TARBP1: variants seen among roughly 807,000 people sequenced by gnomAD.
The protein encoded by TARBP1 is tRNA guanosine 2 -O-methyltransferase TARBP1.
TARBP1 carries 144 observed loss-of-function variants against 178.6 expected under a neutral mutation model. The ratio of observed to expected loss-of-function variants is 0.81; its 90% confidence interval spans 0.70 to 0.93. The LOEUF (loss-of-function observed/expected upper bound fraction) is 0.93, where lower values mean the gene tolerates loss of function less well. Among genes scored for constraint, TARBP1 ranks in the 40% least tolerant of loss-of-function variants. The pLI is 0.00. For synonymous variants in TARBP1, 787 were observed against 781.0 expected (o/e 1.01, Z -0.13); for missense variants, 2,067 against 2,011.7 (o/e 1.03, Z -0.53).
chr1:234,419,154 A>C (rs565831260), intron 21 of TARBP1, among the ~76,000 whole-genome samples: 27 of 152,080 alleles, frequency 1.8e-4, no homozygotes, highest in Non-Finnish European at 2.8e-4. Flanking sequence ...GCCTGGGTGA[A>C]AGAGCAAGAC....
intron 29 of TARBP1, among the ~76,000 whole-genome samples, chr1:234,392,036 G>A (rs1434049607): frequency 6.6e-6 from 1 of 152,232 alleles, no homozygotes; most frequent in Non-Finnish European, 1.5e-5. Flanking sequence ...AAAAGTGCAG[G>A]TATGAGCAGG....
Position 234,478,931 on chromosome 1 carries a change from G to A in TARBP1, c.173C>T (p.Pro58Leu), listed in dbSNP as rs1194067065. 1 of 1,437,272 alleles carries A rather than the reference G, an allele frequency of 7.0e-7. No individual in the cohort carries two copies. The highest frequency in any genetic ancestry group is 9.1e-7 in the Non-Finnish European group (1 of 1,104,276). 89.0% of individuals were successfully genotyped at this position (1,437,272 alleles called of 1,614,324 possible). A position where few individuals can be genotyped will look rare whatever the true frequency, so the allele number is the denominator to read the frequency against. The part of the protein sequence containing the change: ...ARGSGGAGAL[P>L]EAAREVAAGY... ...TGCAGCCACCTCGCGCGCCGCCTCC[G>A]GGAGCGCGCCTGCGCCCCCGCTGCC... Residue 58 changes from proline to leucine, a missense_variant, in exon 1 of 30, where the codon CCG becomes CTG. Physicochemically the swap from Pro to Leu is moderately conservative, Grantham distance 98. Transcript: ENST00000040877.
At position 234,478,669 on chromosome 1, in the gene TARBP1, T is replaced by G; in HGVS notation, c.435A>C (p.Ala145=). 1.6e-6 allele frequency: 2 copies of G among 1,249,912 alleles called. No individual in the cohort carries two copies. Among genetic ancestry groups the G allele is most frequent in the Non-Finnish European group, 2.0e-6 (2 of 996,574 alleles). 77.4% of individuals were successfully genotyped at this position (1,249,912 alleles called of 1,614,324 possible). ...GGGGCCGCAAACATGGCCCGACGGC[T>G]GCTAGCACTTCCACGGCAGCCTCGG... is the stretch of plus-strand genomic sequence containing the variant. ...PGAEAAVEVL[A]AVGPCLRPRE... The change falls in exon 1 of 30, where the codon GCA becomes GCC. Residue 145 remains alanine (A), a synonymous_variant. Transcript: ENST00000040877.
In TARBP1 at chr1:234,392,962, G is replaced by A. The variant is rs906022087; in HGVS notation, c.4560+400C>T. On this transcript the variant is annotated intron_variant, in intron 28 of 29. Coordinates refer to ENST00000040877, the MANE Select transcript of TARBP1 (RefSeq NM_005646.4). ...TCTCGATCTCCTGAGCTTGTGATCC[G>A]CCCGCCTCGGCCTCCCAAAGTGCTG... Among the ~76,000 whole-genome samples, 72 of 151,962 alleles carry A rather than the reference G, an allele frequency of 4.7e-4. 1 individual carries two copies. Among genetic ancestry groups the A allele is most frequent in the East Asian group, 1.5e-3 (8 of 5,174 alleles).
At chr1:234,396,895 T>C (rs935138275) in intron 26 of TARBP1, among the ~76,000 whole-genome samples, 8 of 151,704 alleles carry the variant, frequency 5.3e-5, no homozygotes, top group Non-Finnish European at 1.5e-5. Context: ...GGACTCAGAA[T>C]GAGAAGGGTC....
At chr1:234,438,306 G>C (rs577553996) in intron 12 of TARBP1, among the ~76,000 whole-genome samples, 3 of 152,130 alleles carry the variant, frequency 2.0e-5, no homozygotes, top group Non-Finnish European at 4.4e-5. Context: ...AAAAAATCTA[G>C]AGATAACACC....
intron 3 of TARBP1, among the ~76,000 whole-genome samples, chr1:234,469,984 T>C (rs561693048): frequency 8.7e-4 from 133 of 152,286 alleles, no homozygotes; most frequent in African/African-American, 2.8e-3. Flanking sequence ...GAGTGATTAT[T>C]GGCCAGGCAC....
At chr1:234,391,807 TTC>T (rs1330354518) in intron 29 of TARBP1, 62 bp from the exon 30 acceptor site, 15 of 1,500,778 alleles carry the variant, frequency 1.0e-5, no homozygotes, top group Non-Finnish European at 1.2e-5. Flanking sequence ...CTCTTTGATA[TTC>T]TTTTTATTTT....
chr1:234,449,664 T>G (rs1032691454), intron 10 of TARBP1, among the ~76,000 whole-genome samples: 1 of 152,244 alleles, frequency 6.6e-6, no homozygotes, highest in Non-Finnish European at 1.5e-5. Context: ...AACTCATGCA[T>G]TTTGGAAGGA....
rs376372442 is a variant in TARBP1, at chr1:234,427,538, T to C, written c.3251+38A>G. On this transcript the variant is annotated intron_variant, in intron 18 of 29. Transcript: ENST00000040877. Reference sequence around the variant, plus strand: ...ATTCTATACCCAAGTAGGCACTTAATACAAGTTATGACCAGTTGAAATAAT... The same window carrying C: ...ATTCTATACCCAAGTAGGCACTTAACACAAGTTATGACCAGTTGAAATAAT... 5.4e-4 allele frequency: 841 copies of C among 1,558,472 alleles called. 1 individual carries two copies. Among genetic ancestry groups the C allele is most frequent in the Non-Finnish European group, 7.0e-4 (808 of 1,154,584 alleles).
In TARBP1 at chr1:234,478,231, C is replaced by G. The variant is rs539048963; in HGVS notation, c.873G>C (p.Ala291=). 1.1e-4 allele frequency: 185 copies of G among 1,611,646 alleles called. No individual in the cohort carries two copies. In the South Asian group the frequency reaches 2.0e-3, roughly 17 times the overall value. The change falls in exon 1 of 30, where the codon GCG becomes GCC. Residue 291 remains alanine (A), a synonymous_variant. Transcript: ENST00000040877. ...CCCCCAGCTCCGCCGACACCTCCAC[C>G]GCCCTCTGCAGCAGGTAGCGCGCTC... ...RKRARYLLQR[A]VEVSAELGAD...
intron 24 of TARBP1, among the ~76,000 whole-genome samples, chr1:234,403,990 A>G (rs1482216207): frequency 1.3e-5 from 2 of 152,196 alleles, no homozygotes; most frequent in African/African-American, 2.4e-5. Flanking sequence ...ACCCAGCCGG[A>G]TGCCTTATTT....
chr1:234,459,466 T>C, intron 7 of TARBP1, 140 bp from the exon 8 acceptor site: 2 of 636,140 alleles, frequency 3.1e-6, no homozygotes, highest in Non-Finnish European at 5.3e-6. Flanking sequence ...TTATTTCCCA[T>C]TATGGCCTCT....
At chr1:234,412,987 G>A (rs961198848) in intron 22 of TARBP1, among the ~76,000 whole-genome samples, 58 of 152,088 alleles carry the variant, frequency 3.8e-4, no homozygotes, top group African/African-American at 1.4e-3. Context: ...GACATGACCC[G>A]CCTGCGCCCC....
intron 12 of TARBP1, among the ~76,000 whole-genome samples, chr1:234,440,960 G>A (rs1333921712): frequency 6.6e-6 from 1 of 152,202 alleles, no homozygotes; most frequent in East Asian, 1.9e-4. Context: ...TAGGTGGGCA[G>A]ATCGCCTGAG....
chr1:234,443,419 T>C (rs1251330028), intron 12 of TARBP1, among the ~76,000 whole-genome samples: 2 of 152,104 alleles, frequency 1.3e-5, no homozygotes, highest in Non-Finnish European at 2.9e-5. Flanking sequence ...AAAATCATGA[T>C]GAAGTAGCAC....
At chr1:234,473,244 C>G (rs1392946018) in intron 1 of TARBP1, among the ~76,000 whole-genome samples, 1 of 152,202 alleles carries the variant, frequency 6.6e-6, no homozygotes, top group African/African-American at 2.4e-5. Flanking sequence ...TTGATTTATG[C>G]TGCAAAATCC....
chr1:234,451,815 C>A (rs1457046627), intron 9 of TARBP1, among the ~76,000 whole-genome samples: 1 of 151,180 alleles, frequency 6.6e-6, no homozygotes, highest in Non-Finnish European at 1.5e-5. Flanking sequence ...AGACACCACA[C>A]AGGTACAATG....
intron 2 of TARBP1, among the ~76,000 whole-genome samples, chr1:234,472,329 CA>C (rs1160411119): frequency 2.9e-3 from 132 of 46,076 alleles, no homozygotes; most frequent in East Asian, 8.4e-3. Flanking sequence ...ACTCTGTCTC[CA>C]AAAAAAAAAA....
Sources: allele counts gnomAD v4.1 joint callset (sites outside exome capture counted in the v4.1 genomes callset), GRCh38; gene constraint gnomAD v4.1.1; transcripts MANE v1.5; gene names NCBI Gene and HGNC (gene_info 2026-07-23, HGNC 2026-07-21).